Variants in TYR observed in about 807,000 individuals in gnomAD.
TYR encodes tyrosinase, also known as LB24-AB.
In TYR, 58 loss-of-function variants were observed where a neutral mutation model predicts 51.5. That is an observed-to-expected ratio of 1.13 (90% CI 0.91 to 1.40). The LOEUF (loss-of-function observed/expected upper bound fraction) is 1.40. Ranked by LOEUF, TYR falls within the 40% of genes most tolerant of loss-of-function variation. The pLI is 0.00. For synonymous variants in TYR, 263 were observed against 235.2 expected, an observed-to-expected ratio of 1.12 and a Z score of -1.08; for missense variants, 732 against 647.4, an observed-to-expected ratio of 1.13 and a Z score of -1.42.
chr11:89,232,316 A>G (rs1944060594), intron 3 of TYR, among the ~76,000 whole-genome samples: 3 of 143,340 alleles, frequency 2.1e-5, no homozygotes, highest in Admixed American at 2.1e-4. Context: ...GGTGCTCATC[A>G]ATGGTGTATT....
At chr11:89,235,835 T>A (rs538576487) in intron 3 of TYR, among the ~76,000 whole-genome samples, 1 of 152,258 alleles carries the variant, frequency 6.6e-6, no homozygotes, top group South Asian at 2.1e-4. Context: ...AGATTTTAAA[T>A]GCTCTTACCA....
chr11:89,272,026 T>G (rs772264707), intron 3 of TYR, among the ~76,000 whole-genome samples: 1 of 151,882 alleles, frequency 6.6e-6, no homozygotes, highest in African/African-American at 2.4e-5. Context: ...TCCACTGAAG[T>G]CTTGAACCCC....
intron 3 of TYR, among the ~76,000 whole-genome samples, chr11:89,248,323 A>G (rs1210722439): frequency 6.6e-6 from 1 of 152,218 alleles, no homozygotes; most frequent in African/African-American, 2.4e-5. Flanking sequence ...CTATGATGTG[A>G]TATAATATCT....
chr11:89,270,916 C>T lies in TYR; in HGVS notation c.1185-13857C>T, dbSNP rs377009164. The stretch of plus-strand genomic sequence containing the variant: ...AATAAGGCAATATCATTGCTTTCGG[C>T]GAATTTCCCATATAGGCAAAAAATT... On this transcript the variant is annotated intron_variant, in intron 3 of 4. Coordinates refer to ENST00000263321, the MANE Select transcript of TYR (RefSeq NM_000372.5). 2.0e-5 allele frequency among the ~76,000 whole-genome samples: 3 copies of T among 151,782 alleles called. No homozygotes were observed. The East Asian group carries it at 5.8e-4, about 30-fold the overall frequency.
chr11:89,207,283 G>A lies in TYR; in HGVS notation c.1036+15865G>A, dbSNP rs79832856. ...ATTACCAATATCAAGAATCAAAAAA[G>A]GGATATCAATACAGATCTTGCAGAC... On this transcript the variant is annotated intron_variant, in intron 2 of 4. Transcript: ENST00000263321. Among the ~76,000 whole-genome samples, 972 of 152,140 alleles carry A rather than the reference G, an allele frequency of 6.4e-3. 8 individuals carry two copies. Among genetic ancestry groups the A allele is most frequent in the African/African-American group, 0.022 (924 of 41,540 alleles).
intron 3 of TYR, among the ~76,000 whole-genome samples, chr11:89,244,373 C>T (rs187404668): frequency 1.3e-5 from 2 of 152,090 alleles, no homozygotes; most frequent in Admixed American, 1.3e-4. Context: ...CTGTCCAGCT[C>T]CAGCTTCTGA....
chr11:89,215,662 T>C (rs1943823229), intron 2 of TYR, among the ~76,000 whole-genome samples: 4 of 152,180 alleles, frequency 2.6e-5, no homozygotes, highest in African/African-American at 9.7e-5. Flanking sequence ...AGGGGTACAA[T>C]CATGATTGTG....
chr11:89,184,079 G>A (rs1198840518), intron 1 of TYR, among the ~76,000 whole-genome samples: 2 of 152,062 alleles, frequency 1.3e-5, no homozygotes, highest in East Asian at 3.9e-4. Flanking sequence ...TAAGCACAAT[G>A]CTAATATAAT....
In TYR at chr11:89,260,219, A is replaced by G. The variant is rs187333911; in HGVS notation, c.1185-24554A>G. Among the ~76,000 whole-genome samples the G allele has an allele frequency of 1.4e-3, 205 of 151,734 alleles. 1 individual carries two copies. Among genetic ancestry groups the G allele is most frequent in the Admixed American group, 3.5e-3 (53 of 15,192 alleles). ...GACAAGTCCCTGAACTTCTACTTCC[A>G]TTGAGAGTAGCCACTTTGAAGAATA... On this transcript the variant is annotated intron_variant, in intron 3 of 4. Transcript: ENST00000263321.
chr11:89,283,996 T>C (rs1173853102), intron 3 of TYR: 5 of 151,722 alleles, frequency 3.3e-5, no homozygotes, highest in Non-Finnish European at 7.4e-5. Flanking sequence ...GCCAAAACCA[T>C]GCTATAGAAC....
At chr11:89,225,440 T>C (rs190540938) in intron 2 of TYR, among the ~76,000 whole-genome samples, 8 of 151,960 alleles carry the variant, frequency 5.3e-5, no homozygotes, top group Admixed American at 4.6e-4. Flanking sequence ...ATTCCTCCTA[T>C]CTAACAAAAA....
In TYR at chr11:89,177,961, T is replaced by C. The variant is rs375229194; in HGVS notation, c.8T>C (p.Leu3Pro). The C allele has an allele frequency of 5.0e-6, 8 of 1,614,006 alleles. No individual in the cohort carries two copies. Among genetic ancestry groups the C allele is most frequent in the Non-Finnish European group, 6.8e-6 (8 of 1,180,038 alleles). Residue 3 changes from leucine to proline, a missense_variant, in exon 1 of 5, where the codon CTG becomes CCG. Leu to Pro is a moderately conservative substitution (Grantham distance 98, BLOSUM62 -3). Transcript: ENST00000263321. ML[L>P]AVLYCLLWSF... ...GTGAGGACTAGAGGAAGAATGCTCC[T>C]GGCTGTTTTGTACTGCCTGCTGTGG...
chr11:89,249,340 C>A (rs1174784639), intron 3 of TYR, among the ~76,000 whole-genome samples: 18 of 151,750 alleles, frequency 1.2e-4, no homozygotes, highest in South Asian at 8.3e-4. Context: ...GAAAAGGAAG[C>A]AGTCTGGCAT....
intron 3 of TYR, among the ~76,000 whole-genome samples, chr11:89,235,097 T>C (rs1442417095): frequency 1.3e-5 from 2 of 152,042 alleles, no homozygotes; most frequent in African/African-American, 4.8e-5. Context: ...ATATCACTAA[T>C]AACCTGTGAA....
chr11:89,223,253 T>C (rs2135278429), intron 2 of TYR, among the ~76,000 whole-genome samples: 1 of 152,314 alleles, frequency 6.6e-6, no homozygotes, highest in Middle Eastern at 3.4e-3. Flanking sequence ...AATGAGATTA[T>C]TTACATGAAA....
rs553707444 is a variant in TYR, at chr11:89,240,491, T to C, written c.1184+12521T>C. ...ATAGGTTGTTCACAATTTTTAAAAA[T>C]TAGTTCTTTTTGTCATAAACATTAT... On this transcript the variant is annotated intron_variant, in intron 3 of 4. Transcript: ENST00000263321. Among the ~76,000 whole-genome samples, 5 of 152,272 alleles carry C rather than the reference T, an allele frequency of 3.3e-5. No individual in the cohort carries two copies. The East Asian group carries it at 9.6e-4, about 29-fold the overall frequency.
At chr11:89,183,052 T>C (rs1943322180) in intron 1 of TYR, among the ~76,000 whole-genome samples, 1 of 152,118 alleles carries the variant, frequency 6.6e-6, no homozygotes, top group African/African-American at 2.4e-5. Flanking sequence ...CTTTTTTCTT[T>C]ATGAAAAAGA....
chr11:89,241,409 T>C (rs1352587650), intron 3 of TYR, among the ~76,000 whole-genome samples: 3 of 152,172 alleles, frequency 2.0e-5, no homozygotes, highest in African/African-American at 7.2e-5. Flanking sequence ...TGATCATATC[T>C]AGTTTGTTCA....
At chr11:89,228,074 A>G in intron 3 of TYR, 104 bp downstream of exon 3, 3 of 1,431,872 alleles carry the variant, frequency 2.1e-6, no homozygotes, top group Admixed American at 1.7e-5. Flanking sequence ...AAGTTATGGT[A>G]GTCTATTGTC....
Sources: allele counts gnomAD v4.1 joint callset (sites outside exome capture counted in the v4.1 genomes callset), GRCh38; gene constraint gnomAD v4.1.1; transcripts MANE v1.5; gene names NCBI Gene and HGNC (gene_info 2026-07-23, HGNC 2026-07-21).